Variants in CC2D2B observed in about 807,000 individuals in gnomAD.
CC2D2B encodes the protein coiled-coil and C2 domain containing 2B.
In CC2D2B, 128 loss-of-function variants were observed where a neutral mutation model predicts 161.2. That is an observed-to-expected ratio of 0.79 (90% CI 0.69 to 0.92). The LOEUF (loss-of-function observed/expected upper bound fraction) is 0.92. Ranked by LOEUF, CC2D2B falls within the 40% of genes least tolerant of loss-of-function variation. The probability of loss-of-function intolerance (pLI) is 0.00; values close to 1 mark genes in which losing one functional copy is unlikely to be tolerated. For missense variants in CC2D2B, 1,173 were observed against 1,375.1 expected (o/e 0.85, Z 2.32); for synonymous variants, 391 against 449.8 (o/e 0.87, Z 1.65).
intron 34 of CC2D2B, among the ~76,000 whole-genome samples, chr10:96,029,108 A>C (rs553452184): frequency 6.6e-6 from 1 of 151,700 alleles, no homozygotes; most frequent in East Asian, 1.9e-4. Context: ...TTTAAAAATA[A>C]CTAAAAGTGT....
chr10:95,944,713 C>G (rs377196020), intron 9 of CC2D2B, among the ~76,000 whole-genome samples: 42 of 152,266 alleles, frequency 2.8e-4, no homozygotes, highest in African/African-American at 9.9e-4. Flanking sequence ...AATCTAGAAT[C>G]CCAAGTTGGA....
chr10:95,989,426 T>G (rs1041052816), intron 20 of CC2D2B, among the ~76,000 whole-genome samples: 3 of 152,204 alleles, frequency 2.0e-5, no homozygotes, highest in Admixed American at 2.0e-4. Context: ...ACAGCCCCCT[T>G]TATCACTGGC....
At chr10:95,916,505 C>A in intron 2 of CC2D2B, among the ~76,000 whole-genome samples, 1 of 151,100 alleles carries the variant, frequency 6.6e-6, no homozygotes, top group Middle Eastern at 3.4e-3. Flanking sequence ...AATTTTTTTT[C>A]TTTTAAAAAA....
chr10:95,984,390 T>C (rs1451663070), intron 19 of CC2D2B, among the ~76,000 whole-genome samples: 2 of 152,180 alleles, frequency 1.3e-5, no homozygotes, highest in African/African-American at 2.4e-5. Flanking sequence ...GCTTACGGCA[T>C]TGTGGTTATG....
intron 33 of CC2D2B, among the ~76,000 whole-genome samples, chr10:96,025,211 A>ATATATGTATG (rs2079707437): frequency 7.7e-6 from 1 of 130,188 alleles, no homozygotes; most frequent in African/African-American, 3.0e-5. Context: ...ATATATATAT[A>ATATATGTATG]TATATATATA....
At chr10:95,970,409 C>A (rs1331120228) in intron 15 of CC2D2B, among the ~76,000 whole-genome samples, 2 of 152,198 alleles carry the variant, frequency 1.3e-5, no homozygotes, top group African/African-American at 4.8e-5. Flanking sequence ...TTTTCCCACA[C>A]GTGCTTGTAA....
intron 24 of CC2D2B, among the ~76,000 whole-genome samples, chr10:96,003,043 T>TATATATATATATATATATAG (rs2078578425): frequency 7.0e-6 from 1 of 142,738 alleles, no homozygotes; most frequent in Non-Finnish European, 1.5e-5. Flanking sequence ...TATATATATA[T>TATATATATATATATATATAG]AGAAATAAAT....
At chr10:95,971,890 C>G (rs1295669715) in intron 15 of CC2D2B, among the ~76,000 whole-genome samples, 176 bp from the exon 16 acceptor site, 1 of 152,204 alleles carries the variant, frequency 6.6e-6, no homozygotes, top group East Asian at 1.9e-4. Flanking sequence ...AAAGGCATTA[C>G]ACTTTCAAGG....
chr10:95,961,859 G>T lies in CC2D2B; in HGVS notation c.1140G>T (p.Arg380Ser). The change falls in exon 12 of 35, where the codon AGG becomes AGT. Residue 380 changes from arginine (R) to serine (S), a missense_variant. By Grantham distance (110) the Arg-to-Ser change is moderately radical. This residue lies in a region of CC2D2B where 298 missense variants were observed against 261.2 expected (regional missense o/e 1.14). Coordinates refer to ENST00000646931, the MANE Select transcript of CC2D2B (RefSeq NM_001349008.3). The part of the protein sequence containing the change: ...SNTKQMYDLE[R>S]GKDLSLLHSI... The stretch of plus-strand genomic sequence containing the variant: ...CAAAACAGATGTATGACTTAGAAAG[G>T]GGAAAGGACCTCTCCCTACTACACA... 1 of 1,231,540 alleles carries T rather than the reference G, an allele frequency of 8.1e-7. No homozygotes were observed. Among genetic ancestry groups the T allele is most frequent in the Non-Finnish European group, 1.0e-6 (1 of 987,572 alleles). The allele number at this position is 1,231,540 out of a possible 1,614,324, so 76.3% of individuals were successfully genotyped here.
At chr10:95,961,752 A>T in intron 11 of CC2D2B, 77 bp from the exon 12 acceptor site, 1 of 787,272 alleles carries the variant, frequency 1.3e-6, no homozygotes, top group East Asian at 3.4e-5. Flanking sequence ...TTATTGCAAT[A>T]CATTCTTCCA....
In CC2D2B at chr10:95,955,470, A is replaced by G. The variant is rs925006166; in HGVS notation, c.1088A>G (p.Gln363Arg). 5.0e-6 allele frequency: 2 copies of G among 398,254 alleles called. No homozygotes were observed. Among genetic ancestry groups the G allele is most frequent in the African/African-American group, 4.1e-5 (2 of 48,596 alleles). The allele number at this position is 398,254 out of a possible 1,614,324, so 24.7% of individuals were successfully genotyped here. A position where few individuals can be genotyped will look rare whatever the true frequency, so the allele number is the denominator to read the frequency against. The change falls in exon 11 of 35, where the codon CAA becomes CGA. Residue 363 changes from glutamine (Q) to arginine (R), a missense_variant. Transcript: ENST00000646931. ...AACCAGCTGACCAGAAAATCTTTAC[A>G]AGATTATTATTGGCAAATAAGGTAG... is the stretch of plus-strand genomic sequence containing the variant. The part of the protein sequence containing the change: ...EINQLTRKSL[Q>R]DYYWQISNTK...
intron 16 of CC2D2B, among the ~76,000 whole-genome samples, chr10:95,973,206 A>T (rs1172964818): frequency 6.6e-6 from 1 of 152,142 alleles, no homozygotes; most frequent in African/African-American, 2.4e-5. Flanking sequence ...AGTCCAGATG[A>T]AGCAGAAAAA....
At chr10:96,012,858 G>A in intron 28 of CC2D2B, 129 bp downstream of exon 28, 1 of 640,570 alleles carries the variant, frequency 1.6e-6, no homozygotes, top group Non-Finnish European at 2.7e-6. Flanking sequence ...TACTGTTTGT[G>A]AGTCATAAAG....
At chr10:95,938,360 T>C (rs974945871) in intron 7 of CC2D2B, 171 bp downstream of exon 7, 7 of 613,260 alleles carry the variant, frequency 1.1e-5, no homozygotes, top group Non-Finnish European at 2.0e-5. Context: ...AGAGAACTCA[T>C]TCTTCATTTA....
At position 95,993,851 on chromosome 10, in the gene CC2D2B, T is replaced by TATATAG. The variant is rs756844236; in HGVS notation, c.2642+1155_2642+1156insTATAGA. Reference sequence around the variant, plus strand: ...TAAAGAGTGTATATATATATATATATAGAGAGAGAGAGAGAGAGAGTGTAT... The same window carrying TATATAG: ...TAAAGAGTGTATATATATATATATATATATAGAGAGAGAGAGAGAGAGAGAGTGTAT... On this transcript the variant is annotated intron_variant, in intron 22 of 34. Transcript: ENST00000646931. Among the ~76,000 whole-genome samples, 41 of 98,060 alleles carry TATATAG rather than the reference T, an allele frequency of 4.2e-4. 1 individual carries two copies. Among genetic ancestry groups the TATATAG allele is most frequent in the Admixed American group, 1.6e-3 (15 of 9,146 alleles). 64.3% of individuals were successfully genotyped at this position (98,060 alleles called of 152,430 possible). A position where few individuals can be genotyped will look rare whatever the true frequency, so the allele number is the denominator to read the frequency against.
chr10:95,940,485 G>A (rs1056757338), intron 9 of CC2D2B, among the ~76,000 whole-genome samples: 1 of 152,096 alleles, frequency 6.6e-6, no homozygotes, highest in Non-Finnish European at 1.5e-5. Flanking sequence ...GGTCCCAAAA[G>A]TATTCTTCTG....
chr10:95,994,223 G>A (rs895514559), intron 22 of CC2D2B, among the ~76,000 whole-genome samples: 1 of 151,542 alleles, frequency 6.6e-6, no homozygotes. Context: ...AGTCGTCCAA[G>A]TGATTATAAG....
chr10:95,965,019 T>C (rs1590637041), intron 12 of CC2D2B, among the ~76,000 whole-genome samples: 1 of 152,156 alleles, frequency 6.6e-6, no homozygotes, highest in East Asian at 1.9e-4. Context: ...ATGGTAACTC[T>C]GTAGTTAACA....
chr10:95,977,141 G>T (rs895363156), intron 17 of CC2D2B, among the ~76,000 whole-genome samples: 2 of 152,152 alleles, frequency 1.3e-5, no homozygotes, highest in Non-Finnish European at 2.9e-5. Flanking sequence ...AGGCCAAGGT[G>T]GGCAGATCAC....
Sources: gnomAD v4.1 joint callset for allele counts (sites outside exome capture counted in the v4.1 genomes callset) on GRCh38, gnomAD v4.1.1 for gene constraint, gnomAD v4.1.1 regional missense constraint, MANE v1.5 for transcripts, NCBI Gene and HGNC (gene_info 2026-07-23, HGNC 2026-07-21) for gene names.